Variants in ZNF681 observed in about 807,000 individuals in gnomAD.
ZNF681 encodes zinc finger protein 681, also known as hypothetical protein FLJ31526.
ZNF681 carries 37 observed loss-of-function variants against 56.0 expected under a neutral mutation model. That is an observed-to-expected ratio of 0.66 (90% CI 0.51 to 0.87). The LOEUF is 0.87. Ranked by LOEUF, ZNF681 falls within the 40% of genes least tolerant of loss-of-function variation. The pLI is 0.00. For missense variants in ZNF681, 741 were observed against 744.9 expected (o/e 0.99, Z 0.06); for synonymous variants, 225 against 248.6 (o/e 0.91, Z 0.89).
chr19:23,751,439 G>A (rs1969028824), intron 3 of ZNF681, among the ~76,000 whole-genome samples: 1 of 135,360 alleles, frequency 7.4e-6, no homozygotes, highest in South Asian at 2.4e-4. Context: ...TTGCGCCATT[G>A]TACTTTAGTC....
Position 23,754,860 on chromosome 19 carries a change from C to T in ZNF681, c.189G>A (p.Trp63Ter). 6.2e-7 allele frequency: 1 copy of T among 1,614,080 alleles called. No individual in the cohort carries two copies. Among genetic ancestry groups the T allele is most frequent in the Non-Finnish European group, 8.5e-7 (1 of 1,180,004 alleles). Reference protein sequence around the residue: ...ITCLEQEKEPWTRKRHRMVAE... With the variant: ...ITCLEQEKEP ...CCACCATCCTATGTCTCTTTCTAGT[C>T]CAAGGCTCTTTTTCTTGTTCCAGAC... is the stretch of plus-strand genomic sequence containing the variant. Residue 63 changes from tryptophan to a stop codon, truncating the protein, a stop_gained, in exon 3 of 4, where the codon TGG becomes TGA. Transcript: ENST00000402377. LOFTEE classifies it high-confidence loss of function.
chr19:23,744,127 C>G lies in ZNF681; in HGVS notation c.1423G>C (p.Glu475Gln). The G allele has an allele frequency of 6.2e-7, 1 of 1,612,998 alleles. No homozygotes were observed. The highest frequency in any genetic ancestry group is 8.5e-7 in the Non-Finnish European group (1 of 1,179,534). ...CATTCTTCACATTTGTAGGGTTTCT[C>G]TCCAGTATGAATTCTTTTATGTGTA... ...LTTHKRIHTG[E>Q]KPYKCEECGK... Residue 475 changes from glutamate (E) to glutamine (Q), a missense_variant, in exon 4 of 4, where the codon GAG (glutamate) becomes CAG (glutamine). Coordinates refer to ENST00000402377, the MANE Select transcript of ZNF681 (RefSeq NM_138286.3).
intron 3 of ZNF681, 35 bp downstream of exon 3, chr19:23,754,788 T>C (rs755635124): frequency 6.5e-6 from 10 of 1,530,672 alleles, no homozygotes; most frequent in Non-Finnish European, 8.1e-6. Flanking sequence ...CGCTCATCTA[T>C]GTTATCTGTT....
rs188131542 is a variant in ZNF681, at chr19:23,741,413, T to C, written c.*2199A>G. 42 of 152,260 alleles carry C rather than the reference T, an allele frequency of 2.8e-4. No homozygotes were observed. The highest frequency in any genetic ancestry group is 1.0e-3 in the African/African-American group (42 of 41,550). The allele number at this position is 152,260 out of a possible 1,614,324, so 9.4% of individuals were successfully genotyped here. ...GTAGCCAACAACAATTTAATGTACA[T>C]TTGAAAACAACTAAAAGTGGCTGGG... On this transcript the variant is annotated 3_prime_UTR_variant, in exon 4 of 4. Coordinates refer to ENST00000402377, the MANE Select transcript of ZNF681 (RefSeq NM_138286.3).
At chr19:23,748,150 C>T (rs1204858740) in intron 3 of ZNF681, among the ~76,000 whole-genome samples, 2 of 152,020 alleles carry the variant, frequency 1.3e-5, no homozygotes, top group Non-Finnish European at 2.9e-5. Flanking sequence ...AACTACACTA[C>T]AAAATTTCCA....
rs1042184348 is a variant in ZNF681 at position 23,745,434 on chromosome 19, AT to A, written c.227-112del. On this transcript the variant is annotated intron_variant, in intron 3 of 3. Transcript: ENST00000402377. ...TACATAAGCAAGATGGTATAGCAAA[AT>A]ACCAAAGGCCCTAATTTTTTTTTTT... The A allele has an allele frequency of 9.7e-5, 85 of 871,980 alleles. No individual in the cohort carries two copies. In the African/African-American group the frequency reaches 1.4e-3, roughly 15 times the overall value. The allele number at this position is 871,980 out of a possible 1,614,324, so 54.0% of individuals were successfully genotyped here.
In ZNF681 at chr19:23,742,751, T is replaced by A. The variant is rs1599450032; in HGVS notation, c.*861A>T. 1 of 152,140 alleles carries A rather than the reference T, an allele frequency of 6.6e-6. No homozygotes were observed. Among genetic ancestry groups the A allele is most frequent in the Non-Finnish European group, 1.5e-5 (1 of 68,022 alleles). 9.4% of individuals were successfully genotyped at this position (152,140 alleles called of 1,614,324 possible). ...TTGATGCAGCAACAATTAAGTCACATGCTTTCACATGTGAATACAATAGGA... is the reference window on the plus strand; with the variant it reads ...TTGATGCAGCAACAATTAAGTCACAAGCTTTCACATGTGAATACAATAGGA... On this transcript the variant is annotated 3_prime_UTR_variant, in exon 4 of 4. Coordinates refer to ENST00000402377, the MANE Select transcript of ZNF681 (RefSeq NM_138286.3).
chr19:23,756,182 G>C (rs1285630627), intron 1 of ZNF681, among the ~76,000 whole-genome samples: 1 of 151,790 alleles, frequency 6.6e-6, no homozygotes, highest in African/African-American at 2.4e-5. Flanking sequence ...AAAATTAGCC[G>C]GGCATAGTGG....
In ZNF681 at chr19:23,743,959, C is replaced by T; in HGVS notation, c.1591G>A (p.Glu531Lys). The T allele has an allele frequency of 1.9e-6, 3 of 1,612,832 alleles. No homozygotes were observed. Among genetic ancestry groups the T allele is most frequent in the Non-Finnish European group, 2.5e-6 (3 of 1,179,858 alleles). ...LTEHKKIHTGEKPYTCEECGK... is the reference protein window; with the variant it reads ...LTEHKKIHTGKKPYTCEECGK... ...CATTCTTCACATGTGTAGGGTTTCT[C>T]TCCAGTATGAATTTTCTTATGTTCA... is the stretch of plus-strand genomic sequence containing the variant. The change falls in exon 4 of 4, where the codon GAG becomes AAG. Residue 531 changes from glutamate to lysine, a missense_variant. By Grantham distance (56) the Glu-to-Lys change is moderately conservative. Coordinates refer to ENST00000402377, the MANE Select transcript of ZNF681 (RefSeq NM_138286.3).
chr19:23,748,468 C>G (rs1377433101), intron 3 of ZNF681, among the ~76,000 whole-genome samples: 1 of 152,146 alleles, frequency 6.6e-6, no homozygotes, highest in Non-Finnish European at 1.5e-5. Context: ...GTTGTGCAAG[C>G]CTGCACTAAG....
intron 3 of ZNF681, among the ~76,000 whole-genome samples, chr19:23,748,119 A>G (rs1968972188): frequency 1.3e-5 from 2 of 152,208 alleles, no homozygotes. Flanking sequence ...TATTAAATGC[A>G]TGAGCATCAA....
In ZNF681 at chr19:23,743,204, T is replaced by C. The variant is rs1968892400; in HGVS notation, c.*408A>G. The C allele has an allele frequency of 6.5e-6, 1 of 153,296 alleles. No individual in the cohort carries two copies. The highest frequency in any genetic ancestry group is 1.5e-5 in the Non-Finnish European group (1 of 68,864). The allele number at this position is 153,296 out of a possible 1,614,324, so 9.5% of individuals were successfully genotyped here. A position where few individuals can be genotyped will look rare whatever the true frequency, so the allele number is the denominator to read the frequency against. ...TGTTGCACAAAGTTTAAGCAACTGC[T>C]CCATGGTTTTCCTCTAGCACAAAAT... On this transcript the variant is annotated 3_prime_UTR_variant, in exon 4 of 4. Transcript: ENST00000402377.
Position 23,743,943 on chromosome 19 carries a change from C to T in ZNF681, c.1607G>A (p.Cys536Tyr). 1 of 1,607,138 alleles carries T rather than the reference C, an allele frequency of 6.2e-7. No homozygotes were observed. Among genetic ancestry groups the T allele is most frequent in the Non-Finnish European group, 8.5e-7 (1 of 1,175,320 alleles). The change falls in exon 4 of 4, where the codon TGT (cysteine) becomes TAT (tyrosine). Residue 536 changes from cysteine (C) to tyrosine (Y), a missense_variant. Physicochemically the swap from Cys to Tyr is radical, Grantham distance 194. Coordinates refer to ENST00000402377, the MANE Select transcript of ZNF681 (RefSeq NM_138286.3). ...GTTAAAGGCTTTGCCACATTCTTCA[C>T]ATGTGTAGGGTTTCTCTCCAGTATG... ...KIHTGEKPYT[C>Y]EECGKAFNHS...
chr19:23,745,447 T>C, intron 3 of ZNF681, 124 bp from the exon 4 acceptor site: 2 of 660,766 alleles, frequency 3.0e-6, no homozygotes, highest in Non-Finnish European at 4.4e-6. Flanking sequence ...CCAAAGGCCC[T>C]AATTTTTTTT....
chr19:23,748,473 A>G (rs911743107), intron 3 of ZNF681, among the ~76,000 whole-genome samples: 4 of 152,184 alleles, frequency 2.6e-5, no homozygotes, highest in Admixed American at 6.5e-5. Flanking sequence ...GCAAGCCTGC[A>G]CTAAGTAAAG....
Position 23,744,991 on chromosome 19 carries a change from G to A in ZNF681, c.559C>T (p.Gln187Ter), listed in dbSNP as rs868345198. ...KSFCIFSNLTQHKIICTRVNF... is the reference protein window; with the variant it reads ...KSFCIFSNLT ...ACTCTAGTACAAATTATTTTATGTTGAGTTAGGTTTGAAAATATGCAAAAT... is the reference window on the plus strand; with the variant it reads ...ACTCTAGTACAAATTATTTTATGTTAAGTTAGGTTTGAAAATATGCAAAAT... Residue 187 changes from glutamine (Q) to a stop codon, truncating the protein, a stop_gained, in exon 4 of 4, where the codon CAA becomes TAA. Coordinates refer to ENST00000402377, the MANE Select transcript of ZNF681 (RefSeq NM_138286.3). LOFTEE classifies it high-confidence loss of function. 1.3e-6 allele frequency: 2 copies of A among 1,599,282 alleles called. No homozygotes were observed. The highest frequency in any genetic ancestry group is 2.7e-5 in the African/African-American group (2 of 74,382).
At chr19:23,746,146 C>A (rs1382310569) in intron 3 of ZNF681, among the ~76,000 whole-genome samples, 1 of 151,942 alleles carries the variant, frequency 6.6e-6, no homozygotes, top group Non-Finnish European at 1.5e-5. Context: ...GAAACCCTGT[C>A]TCTACTTAAA....
chr19:23,749,101 C>T (rs1968986824), intron 3 of ZNF681, among the ~76,000 whole-genome samples: 1 of 152,106 alleles, frequency 6.6e-6, no homozygotes, highest in Non-Finnish European at 1.5e-5. Context: ...GCAACCCTTT[C>T]TTGACTTACA....
intron 2 of ZNF681, 75 bp downstream of exon 2, chr19:23,755,350 C>T: frequency 6.6e-7 from 1 of 1,514,492 alleles, no homozygotes; most frequent in African/African-American, 1.4e-5. Context: ...CATAAATTAC[C>T]TAAAAACATT....
Sources: allele counts gnomAD v4.1 joint callset (sites outside exome capture counted in the v4.1 genomes callset), GRCh38; gene constraint gnomAD v4.1.1; transcripts MANE v1.5; gene names NCBI Gene and HGNC (gene_info 2026-07-23, HGNC 2026-07-21).